Variants in NFAM1 observed in about 807,000 individuals in gnomAD.
NFAM1 encodes NFAT activating protein with ITAM motif 1, also known as NFAT activation molecule 1.
Under a neutral mutation model 29.0 loss-of-function variants are expected in NFAM1, and 17 were observed. That is an observed-to-expected ratio of 0.59 (90% CI 0.40 to 0.88). NFAM1 has a LOEUF of 0.88. NFAM1 is among the 40% of genes least tolerant of loss of function. The probability of loss-of-function intolerance (pLI) is 0.00; values close to 1 mark genes in which losing one functional copy is unlikely to be tolerated. For synonymous variants in NFAM1, 175 were observed against 147.2 expected, an observed-to-expected ratio of 1.19 and a Z score of -1.36; for missense variants, 324 against 344.6, an observed-to-expected ratio of 0.94 and a Z score of 0.47.
At chr22:42,414,163 G>A (rs1380867528) in intron 1 of NFAM1, among the ~76,000 whole-genome samples, 1 of 152,176 alleles carries the variant, frequency 6.6e-6, no homozygotes, top group Non-Finnish European at 1.5e-5. Context: ...AGTCACAGTG[G>A]GTTCGACTTG....
At chr22:42,398,309 A>G (rs1034348021) in intron 3 of NFAM1, among the ~76,000 whole-genome samples, 7 of 152,146 alleles carry the variant, frequency 4.6e-5, no homozygotes, top group African/African-American at 1.7e-4. Context: ...AGCCAGGTCC[A>G]GTGTCCAGTC....
intron 1 of NFAM1, among the ~76,000 whole-genome samples, chr22:42,424,893 C>T (rs74797731): frequency 7.0e-6 from 1 of 142,220 alleles, no homozygotes; most frequent in Non-Finnish European, 1.5e-5. Context: ...TCTTTCTTTC[C>T]TTTCTTTCTT....
In NFAM1 at chr22:42,431,828, G is replaced by A. The variant is rs1344106996; in HGVS notation, c.121+409C>T. 3.2e-5 allele frequency among the ~76,000 whole-genome samples: 4 copies of A among 126,060 alleles called. No individual in the cohort carries two copies. The East Asian group carries it at 1.0e-3, about 32-fold the overall frequency. The allele number at this position is 126,060 out of a possible 152,430, so 82.7% of individuals were successfully genotyped here. A position where few individuals can be genotyped will look rare whatever the true frequency, so the allele number is the denominator to read the frequency against. ...CCTGGCCAATGCCAGCAACAACCCAGAGGGTAGCCCCACCACTTGCCAGGT... is the reference window on the plus strand; with the variant it reads ...CCTGGCCAATGCCAGCAACAACCCAAAGGGTAGCCCCACCACTTGCCAGGT... On this transcript the variant is annotated intron_variant, in intron 1 of 5. Transcript: ENST00000329021.
chr22:42,390,190 C>T (rs756475572), intron 4 of NFAM1, among the ~76,000 whole-genome samples: 4 of 152,052 alleles, frequency 2.6e-5, no homozygotes, highest in Non-Finnish European at 4.4e-5. Flanking sequence ...TGAATGAGGA[C>T]GCAGATCACA....
chr22:42,419,688 C>T lies in NFAM1; in HGVS notation c.122-7952G>A, dbSNP rs1000023655. Among the ~76,000 whole-genome samples, 12 of 152,186 alleles carry T rather than the reference C, an allele frequency of 7.9e-5. No individual in the cohort carries two copies. Among genetic ancestry groups the T allele is most frequent in the Non-Finnish European group, 1.3e-4 (9 of 68,032 alleles). On this transcript the variant is annotated intron_variant, in intron 1 of 5. Transcript: ENST00000329021. The surrounding 1 kb of genome is among the most constrained non-coding windows in gnomAD (Gnocchi z 4.5). ...TCCGGCGCCTTCGCCCGTGCTGTTCCGGCTGTGCGGAATGTCCTACCCATT... is the reference window on the plus strand; with the variant it reads ...TCCGGCGCCTTCGCCCGTGCTGTTCTGGCTGTGCGGAATGTCCTACCCATT...
chr22:42,435,797 A>T (rs1930924118), upstream of NFAM1, among the ~76,000 whole-genome samples: 1 of 150,408 alleles, frequency 6.6e-6, no homozygotes, highest in African/African-American at 2.5e-5. Flanking sequence ...ACCACCTCCA[A>T]GATTTCCTTT....
At chr22:42,398,129 A>C (rs1443053039) in intron 3 of NFAM1, among the ~76,000 whole-genome samples, 173 bp from the exon 4 acceptor site, 2 of 152,254 alleles carry the variant, frequency 1.3e-5, no homozygotes, top group African/African-American at 4.8e-5. Context: ...CAAGACCTGC[A>C]TCAAGCCATT....
intron 1 of NFAM1, among the ~76,000 whole-genome samples, chr22:42,426,962 G>C (rs1930643696): frequency 2.6e-5 from 4 of 152,164 alleles, no homozygotes; most frequent in Admixed American, 2.6e-4. Flanking sequence ...CTGTCTGGGA[G>C]GATGCTGAGC....
chr22:42,434,923 A>G (rs933570744), upstream of NFAM1, among the ~76,000 whole-genome samples: 4 of 152,170 alleles, frequency 2.6e-5, no homozygotes, highest in Admixed American at 2.0e-4. Flanking sequence ...CTCACAGTAT[A>G]CTGAACACCT....
At chr22:42,429,616 A>T (rs1197328102) in intron 1 of NFAM1, among the ~76,000 whole-genome samples, 1 of 152,050 alleles carries the variant, frequency 6.6e-6, no homozygotes, top group East Asian at 1.9e-4. Flanking sequence ...ACTCCGTCTC[A>T]AAATAAATAA....
intron 1 of NFAM1, among the ~76,000 whole-genome samples, chr22:42,424,227 A>G (rs1229581716): frequency 6.6e-6 from 1 of 152,176 alleles, no homozygotes; most frequent in East Asian, 1.9e-4. Context: ...CATCCTGGCT[A>G]ACACGGTGAA....
At chr22:42,396,925 G>GGCGTGCACCTGGGGT (rs71184887) in intron 4 of NFAM1, among the ~76,000 whole-genome samples, 1 of 149,508 alleles carries the variant, frequency 6.7e-6, no homozygotes, top group Admixed American at 6.6e-5. Flanking sequence ...GCAGCCAGGG[G>GGCGTGCACCTGGGGT]GCGTGCACCT....
In NFAM1 at chr22:42,398,011, G is replaced by A. The variant is rs566569060; in HGVS notation, c.565-55C>T. Reference sequence around the variant, plus strand: ...ATGAGTGGCTCTCGTCTTCCTCCCCGCACAGACCCCCCAGGGGAAAGGATG... The same window carrying A: ...ATGAGTGGCTCTCGTCTTCCTCCCCACACAGACCCCCCAGGGGAAAGGATG... On this transcript the variant is annotated intron_variant, in intron 3 of 5. Coordinates refer to ENST00000329021, the MANE Select transcript of NFAM1 (RefSeq NM_145912.8). 110 of 924,306 alleles carry A rather than the reference G, an allele frequency of 1.2e-4. 2 individuals carry two copies. The Admixed American group carries it at 1.9e-3, about 16-fold the overall frequency. The allele number at this position is 924,306 out of a possible 1,614,324, so 57.3% of individuals were successfully genotyped here. A position where few individuals can be genotyped will look rare whatever the true frequency, so the allele number is the denominator to read the frequency against.
chr22:42,437,221 C>A (rs2146567651), upstream of NFAM1, among the ~76,000 whole-genome samples: 1 of 150,602 alleles, frequency 6.6e-6, no homozygotes, highest in Admixed American at 6.6e-5. Context: ...TGGCTCACTG[C>A]AACCTCCTCC....
chr22:42,404,417 C>G (rs1285849256), intron 3 of NFAM1, among the ~76,000 whole-genome samples: 1 of 152,088 alleles, frequency 6.6e-6, no homozygotes. Flanking sequence ...CCCATCCTGC[C>G]GCTGCCATCA....
rs1349440819 is a variant in NFAM1 at position 42,381,858 on chromosome 22, C to CGCAG, written c.*3302_*3303insCTGC. The CGCAG allele has an allele frequency of 6.6e-6, 1 of 152,598 alleles. No individual in the cohort carries two copies. The highest frequency in any genetic ancestry group is 1.5e-5 in the Non-Finnish European group (1 of 68,324). 9.5% of individuals were successfully genotyped at this position (152,598 alleles called of 1,614,324 possible). A position where few individuals can be genotyped will look rare whatever the true frequency, so the allele number is the denominator to read the frequency against. ...GCCTGTCCATCTGATCGTGCTACCC[C>CGCAG]GTAGGCACTCCTTAAAGGCATGGCT... On this transcript the variant is annotated 3_prime_UTR_variant, in exon 6 of 6. Coordinates refer to ENST00000329021, the MANE Select transcript of NFAM1 (RefSeq NM_145912.8).
At chr22:42,434,888 T>A (rs934949775), upstream of NFAM1, among the ~76,000 whole-genome samples, 2 of 152,158 alleles carry the variant, frequency 1.3e-5, no homozygotes, top group African/African-American at 2.4e-5. Context: ...CTCCGTCCAT[T>A]CCCCGTTTAT....
chr22:42,423,411 C>T (rs1472664728), intron 1 of NFAM1, among the ~76,000 whole-genome samples: 2 of 152,124 alleles, frequency 1.3e-5, no homozygotes, highest in Non-Finnish European at 2.9e-5. Flanking sequence ...GTACCCCTAC[C>T]ACCTCCCAGT....
intron 1 of NFAM1, among the ~76,000 whole-genome samples, chr22:42,416,010 G>A (rs1930249147): frequency 6.6e-6 from 1 of 152,166 alleles, no homozygotes; most frequent in African/African-American, 2.4e-5. Flanking sequence ...TGGGGTGCAG[G>A]GTTTGTGGCC....
Sources: allele counts gnomAD v4.1 joint callset (sites outside exome capture counted in the v4.1 genomes callset), GRCh38; gene constraint gnomAD v4.1.1; non-coding constraint Gnocchi (gnomAD v3.1); transcripts MANE v1.5; gene names NCBI Gene and HGNC (gene_info 2026-07-23, HGNC 2026-07-21).